The following UIMC1 variants were observed in gnomAD, a reference collection of about 807,000 sequenced individuals.
The protein encoded by UIMC1 is BRCA1-A complex subunit RAP80.
Under a neutral mutation model 84.9 loss-of-function variants are expected in UIMC1, and 42 were observed. That is an observed-to-expected ratio of 0.49 (90% confidence interval 0.39 to 0.64). The LOEUF is 0.64. Ranked by LOEUF, UIMC1 falls within the 30% of genes least tolerant of loss-of-function variation. The probability of loss-of-function intolerance (pLI) is 0.00; values close to 1 mark genes in which losing one functional copy is unlikely to be tolerated. For synonymous variants in UIMC1, 281 were observed against 293.0 expected (o/e 0.96, Z 0.42); for missense variants, 825 against 847.6 (o/e 0.97, Z 0.33).
At chr5:177,006,852 G>A (rs748727399), upstream of UIMC1, 1 of 152,234 alleles carries the variant, frequency 6.6e-6, no homozygotes, top group Non-Finnish European at 1.5e-5. Flanking sequence ...AACTGCGCGG[G>A]AGGCGCTGAC....
upstream of UIMC1, among the ~76,000 whole-genome samples, chr5:177,008,243 T>C (rs1446728064): frequency 6.6e-6 from 1 of 152,172 alleles, no homozygotes; most frequent in Non-Finnish European, 1.5e-5. Flanking sequence ...GCCTTTGCCC[T>C]ATCTCCCCCA....
At chr5:176,943,633 T>G in intron 9 of UIMC1, 145 bp from the exon 10 acceptor site, 1 of 1,007,426 alleles carries the variant, frequency 9.9e-7, no homozygotes. Flanking sequence ...GATTGAGAGA[T>G]ACTACTGATA....
At chr5:177,004,456 T>C (rs913209659) in intron 1 of UIMC1, among the ~76,000 whole-genome samples, 4 of 152,188 alleles carry the variant, frequency 2.6e-5, no homozygotes, top group African/African-American at 9.6e-5. Context: ...TTTTTTAAGT[T>C]ACTACCCTTC....
intron 3 of UIMC1, among the ~76,000 whole-genome samples, chr5:176,973,390 TATC>T (rs1334636894): frequency 2.0e-5 from 3 of 151,924 alleles, no homozygotes; most frequent in Non-Finnish European, 4.4e-5. Context: ...GTATTAAAAA[TATC>T]ATGGGGATGG....
At chr5:176,982,899 A>C (rs573082295) in intron 1 of UIMC1, among the ~76,000 whole-genome samples, 9 of 152,258 alleles carry the variant, frequency 5.9e-5, no homozygotes, top group African/African-American at 2.2e-4. Flanking sequence ...GAGTTTCACC[A>C]TGTTGGCCAG....
At chr5:176,994,185 A>G (rs1561907834) in intron 1 of UIMC1, among the ~76,000 whole-genome samples, 1 of 152,108 alleles carries the variant, frequency 6.6e-6, no homozygotes, top group Non-Finnish European at 1.5e-5. Flanking sequence ...CAGCCTGAAC[A>G]ACACACTGAG....
intron 10 of UIMC1, among the ~76,000 whole-genome samples, chr5:176,941,597 A>C (rs1276737122): frequency 4.6e-5 from 7 of 152,232 alleles, no homozygotes; most frequent in Admixed American, 4.6e-4. Flanking sequence ...CTTCATAATT[A>C]TACAATGTCA....
intron 10 of UIMC1, among the ~76,000 whole-genome samples, chr5:176,916,389 T>G (rs774826433): frequency 6.6e-6 from 1 of 151,680 alleles, no homozygotes; most frequent in Non-Finnish European, 1.5e-5. Flanking sequence ...CTTTAAGGAG[T>G]TGTACTTAGA....
intron 2 of UIMC1, among the ~76,000 whole-genome samples, chr5:176,980,873 T>G (rs939808148): frequency 6.6e-6 from 1 of 152,106 alleles, no homozygotes; most frequent in Non-Finnish European, 1.5e-5. Flanking sequence ...CCCAAGTATC[T>G]GGGACTACAG....
chr5:176,910,464 A>G (rs1391479883), intron 11 of UIMC1, among the ~76,000 whole-genome samples: 2 of 152,236 alleles, frequency 1.3e-5, no homozygotes, highest in Non-Finnish European at 2.9e-5. Context: ...ATTATTACCT[A>G]TAAGACCATA....
chr5:176,911,135 GAA>G, intron 11 of UIMC1, among the ~76,000 whole-genome samples, 174 bp downstream of exon 11: 1 of 63,564 alleles, frequency 1.6e-5, no homozygotes, highest in African/African-American at 6.7e-5. Context: ...GAAAAGAAAA[GAA>G]AAGAAAAGAA....
chr5:176,957,167 G>A (rs1766713498), intron 7 of UIMC1, among the ~76,000 whole-genome samples: 1 of 152,108 alleles, frequency 6.6e-6, no homozygotes, highest in African/African-American at 2.4e-5. Flanking sequence ...TTCCAAAACT[G>A]TCTTAACAGC....
At chr5:176,963,453 G>A (rs112933295) in intron 6 of UIMC1, among the ~76,000 whole-genome samples, 1 of 151,634 alleles carries the variant, frequency 6.6e-6, no homozygotes, top group Non-Finnish European at 1.5e-5. Context: ...CCCGGGAGGT[G>A]GAGGTTGCAG....
intron 10 of UIMC1, among the ~76,000 whole-genome samples, chr5:176,932,856 TGC>T (rs1763280417): frequency 7.0e-6 from 1 of 143,258 alleles, no homozygotes; most frequent in South Asian, 2.2e-4. Context: ...GCAATAGCAA[TGC>T]TTTTTTTTTT....
At chr5:176,915,762 A>G (rs1397579062) in intron 10 of UIMC1, among the ~76,000 whole-genome samples, 1 of 147,198 alleles carries the variant, frequency 6.8e-6, no homozygotes, top group Non-Finnish European at 1.5e-5. Flanking sequence ...CTGTAAATGA[A>G]GTATTAAGTA....
At chr5:176,966,680 A>G (rs1268250021) in intron 6 of UIMC1, among the ~76,000 whole-genome samples, 1 of 152,194 alleles carries the variant, frequency 6.6e-6, no homozygotes, top group African/African-American at 2.4e-5. Flanking sequence ...CTTCAGAAAA[A>G]GCAAACTAAA....
intron 1 of UIMC1, among the ~76,000 whole-genome samples, chr5:176,990,604 C>T (rs1263321821): frequency 1.3e-5 from 2 of 152,094 alleles, no homozygotes; most frequent in African/African-American, 2.4e-5. Flanking sequence ...CAAACTGTAA[C>T]AGAAATGGAA....
intron 1 of UIMC1, among the ~76,000 whole-genome samples, chr5:177,015,836 G>A (rs1775657148): frequency 6.6e-6 from 1 of 152,116 alleles, no homozygotes. Context: ...TTGGGAGGCT[G>A]AGACAGGCAG....
upstream of UIMC1, among the ~76,000 whole-genome samples, chr5:177,009,032 G>T (rs938833595): frequency 2.7e-5 from 4 of 150,740 alleles, no homozygotes; most frequent in Non-Finnish European, 5.9e-5. This position sits in a 1 kb window ranked among gnomAD's most constrained non-coding sequence, Gnocchi z 4.3. Flanking sequence ...TTTTTTTAAA[G>T]GTCTCACTCT....
Sources: gnomAD v4.1 joint callset for allele counts (sites outside exome capture counted in the v4.1 genomes callset) on GRCh38, gnomAD v4.1.1 for gene constraint, Gnocchi (gnomAD v3.1) non-coding constraint, MANE v1.5 for transcripts, NCBI Gene and HGNC (gene_info 2026-07-23, HGNC 2026-07-21) for gene names.